Variants in SCAF8 observed in about 807,000 individuals in gnomAD.
SCAF8 encodes the protein SR-related CTD associated factor 8.
A neutral mutation model predicts 140.5 loss-of-function variants in SCAF8; 23 were observed. The observed-to-expected ratio is 0.16, with a 90% CI of 0.12 to 0.23. The LOEUF (loss-of-function observed/expected upper bound fraction) is 0.23, where lower values mean the gene tolerates loss of function less well. SCAF8 is among the 10% of genes least tolerant of loss of function. The pLI is 1.00. For synonymous variants in SCAF8, 575 were observed against 528.9 expected, an observed-to-expected ratio of 1.09 and a Z score of -1.20; for missense variants, 1,397 against 1,555.7, an observed-to-expected ratio of 0.90 and a Z score of 1.72.
intron 18 of SCAF8, among the ~76,000 whole-genome samples, chr6:154,828,763 T>G (rs1024918774): frequency 6.6e-6 from 1 of 152,172 alleles, no homozygotes; most frequent in Admixed American, 6.5e-5. Flanking sequence ...AGTCTAGGAA[T>G]TTTTAGTGGA....
At chr6:154,734,636 C>G (rs1271821904) in intron 1 of SCAF8, among the ~76,000 whole-genome samples, 1 of 152,116 alleles carries the variant, frequency 6.6e-6, no homozygotes, top group African/African-American at 2.4e-5. Context: ...GGTTCATTCA[C>G]GTGTCAAACA....
chr6:154,816,354 G>A (rs1424692038), intron 13 of SCAF8, among the ~76,000 whole-genome samples: 2 of 152,174 alleles, frequency 1.3e-5, no homozygotes, highest in African/African-American at 4.8e-5. Flanking sequence ...AGTAAGTTGA[G>A]CATAACTCTT....
intron 8 of SCAF8, 109 bp downstream of exon 8, chr6:154,803,732 A>T: frequency 1.5e-6 from 1 of 679,642 alleles, no homozygotes. Context: ...AAGCTGTTGA[A>T]CCTCTAACAT....
chr6:154,826,689 C>G (rs1431884218), intron 17 of SCAF8, among the ~76,000 whole-genome samples: 1 of 151,966 alleles, frequency 6.6e-6, no homozygotes, highest in African/African-American at 2.4e-5. Flanking sequence ...TGAGACCAGC[C>G]TGGGAAACAT....
At chr6:154,754,004 C>G (rs1258336988) in intron 1 of SCAF8, among the ~76,000 whole-genome samples, 2 of 152,084 alleles carry the variant, frequency 1.3e-5, no homozygotes, top group African/African-American at 4.8e-5. Context: ...TGCCTGGTCT[C>G]CATATTGTTT....
intron 3 of SCAF8, among the ~76,000 whole-genome samples, chr6:154,783,203 C>G (rs1360941268): frequency 2.0e-5 from 3 of 152,110 alleles, no homozygotes; most frequent in Non-Finnish European, 4.4e-5. Context: ...AGAGTTTACC[C>G]AACTCTTTTT....
intron 6 of SCAF8, among the ~76,000 whole-genome samples, chr6:154,799,804 G>A (rs879708894): frequency 6.6e-6 from 1 of 150,564 alleles, no homozygotes; most frequent in Non-Finnish European, 1.5e-5. Flanking sequence ...TTTATTTAGA[G>A]ACAGGGTCTT....
chr6:154,796,389 C>CTCTCTCTGTCTGTCTG (rs376622207), intron 6 of SCAF8, among the ~76,000 whole-genome samples: 50 of 141,054 alleles, frequency 3.5e-4, no homozygotes, highest in African/African-American at 9.9e-4. Flanking sequence ...CTCTCTCTCT[C>CTCTCTCTGTCTGTCTG]TCTGTCTCTC....
chr6:154,823,115 C>G (rs1583067755), intron 16 of SCAF8, among the ~76,000 whole-genome samples: 2 of 152,168 alleles, frequency 1.3e-5, no homozygotes, highest in East Asian at 3.9e-4. Context: ...GGTCCCACAC[C>G]AGGAATATGG....
intron 15 of SCAF8, 28 bp downstream of exon 15, chr6:154,820,361 TAAAAA>T (rs556111544): frequency 1.3e-6 from 2 of 1,566,582 alleles, no homozygotes; most frequent in East Asian, 4.5e-5. Flanking sequence ...TTTTTATTGT[TAAAAA>T]AAAGTATGCT....
At chr6:154,794,228 C>T (rs535256264) in intron 5 of SCAF8, among the ~76,000 whole-genome samples, 9 of 152,114 alleles carry the variant, frequency 5.9e-5, no homozygotes, top group African/African-American at 2.2e-4. Flanking sequence ...CTGTACCTGG[C>T]CCAAACATGG....
intron 17 of SCAF8, among the ~76,000 whole-genome samples, chr6:154,826,713 A>C (rs1778576049): frequency 6.6e-6 from 1 of 152,194 alleles, no homozygotes; most frequent in Admixed American, 6.5e-5. Context: ...CTCGGTATCT[A>C]AAATTAATAA....
Position 154,805,499 on chromosome 6 carries a change from A to G in SCAF8, c.981+13A>G. The G allele has an allele frequency of 1.4e-6, 2 of 1,470,910 alleles. No homozygotes were observed. Among genetic ancestry groups the G allele is most frequent in the African/African-American group, 1.4e-5 (1 of 71,740 alleles). 91.1% of individuals were successfully genotyped at this position (1,470,910 alleles called of 1,614,324 possible). On this transcript the variant is annotated intron_variant, in intron 9 of 19. Coordinates refer to ENST00000367178, the MANE Select transcript of SCAF8 (RefSeq NM_014892.5). ...ACAGCCTCAAAAGGTTTATAACCCC[A>G]TCTTGTGGTCTTTAGAGTTATTACT...
rs775295404 is a variant in SCAF8, at chr6:154,824,299, G to C, written c.1992G>C (p.Pro664=). ...CACCAGCATTTCCTGTGTCGATGCC[G>C]GTTCCTCCTCCTGGATTCAGTCCAA... ...LVPPAFPVSM[P]VPPPGFSPIP... Residue 664 remains proline (P), a synonymous_variant, in exon 17 of 20, where the codon CCG becomes CCC. Coordinates refer to ENST00000367178, the MANE Select transcript of SCAF8 (RefSeq NM_014892.5). 2 of 1,613,778 alleles carry C rather than the reference G, an allele frequency of 1.2e-6. No individual in the cohort carries two copies. The highest frequency in any genetic ancestry group is 2.2e-5 in the East Asian group (1 of 44,886).
At chr6:154,773,346 T>A (rs1776826221) in intron 1 of SCAF8, among the ~76,000 whole-genome samples, 1 of 152,206 alleles carries the variant, frequency 6.6e-6, no homozygotes, top group Admixed American at 6.5e-5. Context: ...TTTAGCATAA[T>A]GTTTTCAAGG....
intron 12 of SCAF8, among the ~76,000 whole-genome samples, chr6:154,811,138 GATT>G (rs1366468047): frequency 2.0e-5 from 3 of 152,104 alleles, no homozygotes; most frequent in African/African-American, 7.2e-5. Context: ...TGATAATATT[GATT>G]ATCCTTGCTC....
chr6:154,775,758 A>G (rs528176114), intron 2 of SCAF8, among the ~76,000 whole-genome samples: 63 of 152,142 alleles, frequency 4.1e-4, no homozygotes, highest in Non-Finnish European at 7.2e-4. Flanking sequence ...TTTTAAAAAA[A>G]GAAGTAATGT....
At chr6:154,771,539 G>A (rs1229434208) in intron 1 of SCAF8, among the ~76,000 whole-genome samples, 3 of 152,168 alleles carry the variant, frequency 2.0e-5, no homozygotes, top group Non-Finnish European at 4.4e-5. Context: ...GGAAGGCATC[G>A]ACCATTTTAA....
At chr6:154,770,385 C>T (rs978286289) in intron 1 of SCAF8, among the ~76,000 whole-genome samples, 3 of 137,722 alleles carry the variant, frequency 2.2e-5, no homozygotes, top group Non-Finnish European at 4.5e-5. Context: ...CACACACACA[C>T]ACACTCTCTC....
Sources: allele counts gnomAD v4.1 joint callset (sites outside exome capture counted in the v4.1 genomes callset), GRCh38; gene constraint gnomAD v4.1.1; transcripts MANE v1.5; gene names NCBI Gene and HGNC (gene_info 2026-07-23, HGNC 2026-07-21).